The following EIF4G3 variants were observed in gnomAD, a reference collection of about 807,000 sequenced individuals.
EIF4G3 encodes eukaryotic translation initiation factor 4 gamma 3.
A neutral mutation model predicts 186.4 loss-of-function variants in EIF4G3; 34 were observed. The ratio of observed to expected loss-of-function variants is 0.18; its 90% CI spans 0.14 to 0.24. The LOEUF is 0.24. EIF4G3 is among the 10% of genes least tolerant of loss of function. The pLI is 1.00. For missense variants in EIF4G3, 1,536 were observed against 1,948.5 expected, an observed-to-expected ratio of 0.79 and a Z score of 3.99; for synonymous variants, 673 against 679.5, an observed-to-expected ratio of 0.99 and a Z score of 0.15.
chr1:21,169,420 C>G (rs1278728857), intron 2 of EIF4G3, among the ~76,000 whole-genome samples: 1 of 151,622 alleles, frequency 6.6e-6, no homozygotes, highest in African/African-American at 2.4e-5. Context: ...TGCACTCCAG[C>G]CTGGGAAACA....
chr1:21,164,368 C>CA (rs1027221232), intron 2 of EIF4G3, among the ~76,000 whole-genome samples: 10 of 152,212 alleles, frequency 6.6e-5, no homozygotes, highest in African/African-American at 2.4e-4. Context: ...TTCGTTTATC[C>CA]AATAGGCCTT....
Position 20,886,182 on chromosome 1 carries a change from G to T in EIF4G3, c.2424+19C>A. The T allele has an allele frequency of 2.5e-6, 4 of 1,596,598 alleles. No individual in the cohort carries two copies. Among genetic ancestry groups the T allele is most frequent in the Non-Finnish European group, 3.4e-6 (4 of 1,173,358 alleles). On this transcript the variant is annotated intron_variant, in intron 19 of 36. Transcript: ENST00000602326. ...CAATATAATTTCAAAAGAATGTTAG[G>T]ATATGCTTTTGTTCTCACCTGGGTT...
chr1:20,950,477 A>C (rs1422572650), intron 12 of EIF4G3, among the ~76,000 whole-genome samples: 3 of 152,148 alleles, frequency 2.0e-5, no homozygotes, highest in African/African-American at 7.2e-5. Flanking sequence ...ACCCTCCCAA[A>C]GACCAAGAAG....
intron 11 of EIF4G3, among the ~76,000 whole-genome samples, chr1:20,969,933 A>G (rs2075476816): frequency 6.6e-6 from 1 of 152,196 alleles, no homozygotes. Flanking sequence ...AAATACTTTT[A>G]ATATATGAAA....
intron 15 of EIF4G3, among the ~76,000 whole-genome samples, chr1:20,900,604 G>A (rs1338424696): frequency 6.6e-6 from 1 of 151,670 alleles, no homozygotes; most frequent in East Asian, 1.9e-4. Flanking sequence ...AAGAATTGAA[G>A]TTATTCCCTA....
intron 10 of EIF4G3, among the ~76,000 whole-genome samples, chr1:20,976,745 A>G (rs1486739063): frequency 6.6e-6 from 1 of 152,204 alleles, no homozygotes; most frequent in Non-Finnish European, 1.5e-5. Flanking sequence ...CATAGAAACA[A>G]TAATAAACAT....
At chr1:20,854,706 A>AAAATATAT (rs919256437) in intron 26 of EIF4G3, among the ~76,000 whole-genome samples, 3 of 136,664 alleles carry the variant, frequency 2.2e-5, no homozygotes, top group East Asian at 2.2e-4. Context: ...TCCCATCTCA[A>AAAATATAT]AAATATATAA....
intron 4 of EIF4G3, chr1:21,003,651 G>A (rs904233017): frequency 1.7e-5 from 6 of 356,314 alleles, no homozygotes; most frequent in Non-Finnish European, 2.7e-5. Flanking sequence ...CTGACAGGAT[G>A]AGAGCAGATT....
chr1:21,038,614 T>C (rs1394204336), intron 4 of EIF4G3, among the ~76,000 whole-genome samples: 1 of 152,200 alleles, frequency 6.6e-6, no homozygotes, highest in African/African-American at 2.4e-5. Context: ...GGTCCTGATA[T>C]ACCCCTAATT....
intron 19 of EIF4G3, among the ~76,000 whole-genome samples, chr1:20,881,566 T>G (rs934902058): frequency 3.3e-5 from 5 of 152,010 alleles, no homozygotes; most frequent in Non-Finnish European, 5.9e-5. Context: ...GTGGGTGCAC[T>G]GTTTGAGCCC....
chr1:20,849,061 A>AAAAAAAAAAAAAAAAAAAAAAAT, intron 29 of EIF4G3, among the ~76,000 whole-genome samples: 1 of 149,916 alleles, frequency 6.7e-6, no homozygotes, highest in Non-Finnish European at 1.5e-5. Context: ...AAAAAAAAAA[A>AAAAAAAAAAAAAAAAAAAAAAAT]AAAAAAAAAA....
chr1:21,027,876 G>A (rs573916312), intron 4 of EIF4G3, among the ~76,000 whole-genome samples: 1 of 152,240 alleles, frequency 6.6e-6, no homozygotes, highest in Non-Finnish European at 1.5e-5. Flanking sequence ...GGTAAAACAT[G>A]AAAGCCAACC....
chr1:21,145,525 G>C (rs2097424195), intron 2 of EIF4G3, among the ~76,000 whole-genome samples: 1 of 151,644 alleles, frequency 6.6e-6, no homozygotes, highest in Admixed American at 6.6e-5. Context: ...TCAGGCCCCT[G>C]ACTCAGTGGG....
chr1:20,918,237 T>C (rs2094125603), intron 14 of EIF4G3, among the ~76,000 whole-genome samples: 1 of 152,070 alleles, frequency 6.6e-6, no homozygotes, highest in Non-Finnish European at 1.5e-5. Context: ...TTAGACAGGG[T>C]ATCTCTCTGT....
Position 20,937,087 on chromosome 1 carries a change from T to C in EIF4G3, c.1663+4404A>G, listed in dbSNP as rs1248949458. 8.5e-5 allele frequency among the ~76,000 whole-genome samples: 13 copies of C among 152,312 alleles called. No individual in the cohort carries two copies. The East Asian group carries it at 2.5e-3, about 29-fold the overall frequency. The stretch of plus-strand genomic sequence containing the variant: ...TAACACCCATAAGAAAAGAGAGATC[T>C]TGGATCCCTGCAAAGTGGGAACCTG... On this transcript the variant is annotated intron_variant, in intron 14 of 36. Transcript: ENST00000602326.
At chr1:20,994,969 A>G (rs2081978625) in intron 7 of EIF4G3, among the ~76,000 whole-genome samples, 1 of 152,130 alleles carries the variant, frequency 6.6e-6, no homozygotes, top group African/African-American at 2.4e-5. Flanking sequence ...AATCAAAACT[A>G]GCCATAAATT....
At chr1:21,080,279 G>A (rs1425985033) in intron 3 of EIF4G3, among the ~76,000 whole-genome samples, 1 of 151,080 alleles carries the variant, frequency 6.6e-6, no homozygotes, top group Non-Finnish European at 1.5e-5. Flanking sequence ...TCGTGCGACT[G>A]CACTCCACCA....
chr1:21,071,538 A>G (rs2095440150), intron 3 of EIF4G3, among the ~76,000 whole-genome samples: 1 of 152,206 alleles, frequency 6.6e-6, no homozygotes, highest in Non-Finnish European at 1.5e-5. Flanking sequence ...CTGGCATTTG[A>G]AAAGCACTTA....
intron 18 of EIF4G3, among the ~76,000 whole-genome samples, chr1:20,887,610 G>GT (rs1314219091): frequency 1.3e-5 from 2 of 150,604 alleles, no homozygotes; most frequent in African/African-American, 4.9e-5. Context: ...ATCCAGCTAA[G>GT]GATACAGTAC....
Sources: allele counts gnomAD v4.1 joint callset (sites outside exome capture counted in the v4.1 genomes callset), GRCh38; gene constraint gnomAD v4.1.1; transcripts MANE v1.5; gene names NCBI Gene and HGNC (gene_info 2026-07-23, HGNC 2026-07-21).